The following PAX5 variants were observed in gnomAD, a reference collection of about 807,000 sequenced individuals.
The protein encoded by PAX5 is paired box 5.
A neutral mutation model predicts 43.7 loss-of-function variants in PAX5; 9 were observed. The observed-to-expected ratio is 0.21, with a 90% confidence interval of 0.12 to 0.36. PAX5 has a LOEUF of 0.36. Ranked by LOEUF, PAX5 falls within the 10% of genes least tolerant of loss-of-function variation. The pLI, the probability that PAX5 is intolerant of heterozygous loss-of-function variation, is 1.00. For missense variants in PAX5, 383 were observed against 532.7 expected (o/e 0.72, Z 2.77); for synonymous variants, 228 against 214.3 (o/e 1.06, Z -0.56).
intron 5 of PAX5, among the ~76,000 whole-genome samples, chr9:37,002,337 A>C (rs931812999): frequency 1.3e-5 from 2 of 152,128 alleles, no homozygotes; most frequent in African/African-American, 4.8e-5. Flanking sequence ...GCATATCTGC[A>C]CGCACACAGG....
At chr9:36,919,099 C>A (rs1187640332) in intron 7 of PAX5, among the ~76,000 whole-genome samples, 1 of 152,136 alleles carries the variant, frequency 6.6e-6, no homozygotes, top group South Asian at 2.1e-4. Flanking sequence ...AGCCAATGCT[C>A]CTATATCATT....
chr9:36,870,115 AATGGATGGATGGATGGATGGATGGATGG>A (rs74182912), intron 8 of PAX5, among the ~76,000 whole-genome samples: 2 of 10,724 alleles, frequency 1.9e-4, no homozygotes, highest in African/African-American at 5.0e-4. Context: ...TGGATGGATA[AATGGATGGATGGATGGATGGATGGATGG>A]ATGGATGGAT....
Position 36,846,950 on chromosome 9 carries a change from G to C in PAX5, c.1013-21C>G, listed in dbSNP as rs765798268. On this transcript the variant is annotated intron_variant, in intron 8 of 9. Coordinates refer to ENST00000358127, the MANE Select transcript of PAX5 (RefSeq NM_016734.3). The stretch of plus-strand genomic sequence containing the variant: ...ACTCCCTGTGTATGGTGGGTGGAGA[G>C]AGAAACAGGAACCAAACGTCAAATC... The C allele has an allele frequency of 3.9e-5, 61 of 1,554,522 alleles. No individual in the cohort carries two copies. In the Middle Eastern group the frequency reaches 1.2e-3, roughly 30 times the overall value.
chr9:37,005,013 G>A (rs566804179), intron 4 of PAX5, among the ~76,000 whole-genome samples: 2 of 152,338 alleles, frequency 1.3e-5, no homozygotes, highest in South Asian at 4.1e-4. Flanking sequence ...ACATGCTGCT[G>A]ACCTACAGTA....
intron 7 of PAX5, among the ~76,000 whole-genome samples, chr9:36,891,583 G>A (rs752920672): frequency 1.2e-4 from 19 of 152,220 alleles, no homozygotes; most frequent in Middle Eastern, 3.2e-3. Flanking sequence ...GGGAAGGGCA[G>A]TGGGAATGGT....
chr9:36,902,023 G>T (rs1442079085), intron 7 of PAX5, among the ~76,000 whole-genome samples: 1 of 152,138 alleles, frequency 6.6e-6, no homozygotes, highest in Non-Finnish European at 1.5e-5. Flanking sequence ...GTGAGGGAGG[G>T]CTCCCATCCC....
intron 7 of PAX5, among the ~76,000 whole-genome samples, chr9:36,897,940 G>A (rs1828012931): frequency 1.3e-5 from 2 of 152,122 alleles, no homozygotes. Flanking sequence ...TACTGGTCAG[G>A]GGCAACACAC....
chr9:36,922,277 G>A lies in PAX5; in HGVS notation c.910+1078C>T, dbSNP rs77379270. On this transcript the variant is annotated intron_variant, in intron 7 of 9. Transcript: ENST00000358127. ...ACCCACAGTCCACCTGCATGTCTAC[G>A]AGTCCCGTGTCACTGTCACTATTCA... Among the ~76,000 whole-genome samples the A allele has an allele frequency of 2.1e-3, 313 of 152,242 alleles. 1 individual carries two copies. Among genetic ancestry groups the A allele is most frequent in the African/African-American group, 6.9e-3 (287 of 41,544 alleles).
At chr9:36,939,867 G>C (rs1831896439) in intron 6 of PAX5, among the ~76,000 whole-genome samples, 1 of 152,190 alleles carries the variant, frequency 6.6e-6, no homozygotes, top group East Asian at 1.9e-4. Context: ...GCGTCGTGTG[G>C]GCGCAGCAGA....
Position 36,944,324 on chromosome 9 carries a change from T to A in PAX5, c.781-20840A>T, listed in dbSNP as rs568491697. On this transcript the variant is annotated intron_variant, in intron 6 of 9. Transcript: ENST00000358127. ...AGCCCTATAAGGCAAGCACTCATTA[T>A]CCCCATTTTTTAGATGAAGAAACTG... Among the ~76,000 whole-genome samples the A allele has an allele frequency of 3.1e-4, 47 of 152,146 alleles. 1 individual carries two copies. The Middle Eastern group carries it at 0.01, about 33-fold the overall frequency.
intron 1 of PAX5, among the ~76,000 whole-genome samples, chr9:37,028,963 C>T (rs1433841044): frequency 6.6e-6 from 1 of 152,184 alleles, no homozygotes; most frequent in African/African-American, 2.4e-5. Flanking sequence ...GAAAAGGAAG[C>T]GTGTGACAGT....
chr9:36,835,931 G>A lies in PAX5; in HGVS notation c.*4629C>T, dbSNP rs1821613659. The A allele has an allele frequency of 8.6e-6, 2 of 233,280 alleles. No homozygotes were observed. Among genetic ancestry groups the A allele is most frequent in the African/African-American group, 4.4e-5 (2 of 45,332 alleles). The allele number at this position is 233,280 out of a possible 1,614,324, so 14.5% of individuals were successfully genotyped here. A position where few individuals can be genotyped will look rare whatever the true frequency, so the allele number is the denominator to read the frequency against. ...AGCTGTATCTTAGACTCCCCTCCTGGGAAGCTGTATTTCAGACTCATCGTG... is the reference window on the plus strand; with the variant it reads ...AGCTGTATCTTAGACTCCCCTCCTGAGAAGCTGTATTTCAGACTCATCGTG... On this transcript the variant is annotated 3_prime_UTR_variant, in exon 10 of 10. Coordinates refer to ENST00000358127, the MANE Select transcript of PAX5 (RefSeq NM_016734.3).
At position 37,028,146 on chromosome 9, in the gene PAX5, G is replaced by A. The variant is rs559398585; in HGVS notation, c.46+5840C>T. 2.0e-5 allele frequency among the ~76,000 whole-genome samples: 3 copies of A among 152,340 alleles called. No homozygotes were observed. In the South Asian group the frequency reaches 6.2e-4, roughly 32 times the overall value. On this transcript the variant is annotated intron_variant, in intron 1 of 9. Transcript: ENST00000358127. ...AAACAAAAAATGTATGTTGGAGGAA[G>A]ACAAGGAGCGCAGTAGGGATCCTGT...
In PAX5 at chr9:37,015,390, C is replaced by T. The variant is rs965590709; in HGVS notation, c.213-196G>A. Among the ~76,000 whole-genome samples the T allele has an allele frequency of 1.3e-5, 2 of 152,048 alleles. No homozygotes were observed. The highest frequency in any genetic ancestry group is 2.9e-5 in the Non-Finnish European group (2 of 68,006). ...AAATGTGCTGTAAATATAAAATACA[C>T]ACCAAATTTTTAAAACTTAGTACCA... On this transcript the variant is annotated intron_variant, in intron 2 of 9. Transcript: ENST00000358127. This position sits in a 1 kb window ranked among gnomAD's most constrained non-coding sequence, Gnocchi z 4.4.
At chr9:36,931,826 G>A (rs1361532279) in intron 6 of PAX5, among the ~76,000 whole-genome samples, 1 of 146,138 alleles carries the variant, frequency 6.8e-6, no homozygotes, top group Non-Finnish European at 1.5e-5. Context: ...ATTCCAGCCT[G>A]GGCAACAGAG....
At chr9:36,864,569 G>T (rs1824629364) in intron 8 of PAX5, among the ~76,000 whole-genome samples, 2 of 152,216 alleles carry the variant, frequency 1.3e-5, no homozygotes, top group Non-Finnish European at 2.9e-5. Context: ...TGAGTCAGGG[G>T]ACCCCAACTC....
chr9:36,946,253 T>C (rs1283725362), intron 6 of PAX5, among the ~76,000 whole-genome samples: 2 of 152,200 alleles, frequency 1.3e-5, no homozygotes, highest in Non-Finnish European at 2.9e-5. Context: ...CAGCTGCCCC[T>C]GAGCTTCAGG....
chr9:36,983,728 C>T (rs999981793), intron 5 of PAX5, among the ~76,000 whole-genome samples: 2 of 152,194 alleles, frequency 1.3e-5, no homozygotes, highest in African/African-American at 4.8e-5. Context: ...CCCCTCTCGG[C>T]CTCCCAAAGT....
intron 5 of PAX5, among the ~76,000 whole-genome samples, chr9:36,967,589 T>C (rs971625440): frequency 1.3e-5 from 2 of 152,168 alleles, no homozygotes; most frequent in African/African-American, 2.4e-5. Flanking sequence ...AAAAACAAGG[T>C]ACAGCACAGC....
Sources: gnomAD v4.1 joint callset for allele counts (sites outside exome capture counted in the v4.1 genomes callset) on GRCh38, gnomAD v4.1.1 for gene constraint, Gnocchi (gnomAD v3.1) non-coding constraint, MANE v1.5 for transcripts, NCBI Gene and HGNC (gene_info 2026-07-23, HGNC 2026-07-21) for gene names.